Variants in MCPH1 observed in about 807,000 individuals in gnomAD.
The protein encoded by MCPH1 is microcephalin 1.
A neutral mutation model predicts 84.5 loss-of-function variants in MCPH1; 104 were observed. That is an observed-to-expected ratio of 1.23 (90% CI 1.05 to 1.45). The LOEUF is 1.45. Among genes scored for constraint, MCPH1 ranks in the 40% most tolerant of loss-of-function variants. The pLI is 0.00. For missense variants in MCPH1, 1,498 were observed against 1,005.7 expected (o/e 1.49, Z -6.62); for synonymous variants, 514 against 366.8 (o/e 1.40, Z -4.58).
At chr8:6,509,228 C>G (rs1814433537) in intron 12 of MCPH1, among the ~76,000 whole-genome samples, 1 of 152,170 alleles carries the variant, frequency 6.6e-6, no homozygotes, top group Non-Finnish European at 1.5e-5. Flanking sequence ...TAAACAGGAA[C>G]CAACTTATCA....
intron 9 of MCPH1, among the ~76,000 whole-genome samples, chr8:6,470,776 T>G (rs59362952): frequency 1.3e-5 from 2 of 152,360 alleles, no homozygotes; most frequent in East Asian, 3.9e-4. Flanking sequence ...TGTGGTTGCT[T>G]TATTATTCCA....
intron 12 of MCPH1, among the ~76,000 whole-genome samples, chr8:6,611,345 C>G (rs1830249353): frequency 6.6e-6 from 1 of 152,214 alleles, no homozygotes; most frequent in African/African-American, 2.4e-5. Context: ...CCCGTTCTAA[C>G]TGACCAGCGG....
At chr8:6,480,680 A>C (rs1460296867) in intron 10 of MCPH1, 34 bp from the exon 11 acceptor site, 1 of 1,613,502 alleles carries the variant, frequency 6.2e-7, no homozygotes, top group Admixed American at 1.7e-5. Flanking sequence ...CAACAAAGTC[A>C]TTCATTTTGT....
intron 12 of MCPH1, chr8:6,520,076 G>A: frequency 6.7e-7 from 1 of 1,487,998 alleles, no homozygotes; most frequent in Non-Finnish European, 9.1e-7. Flanking sequence ...CATTTGGTGA[G>A]TTTTATTACT....
At chr8:6,499,199 C>T (rs1032587720) in intron 11 of MCPH1, among the ~76,000 whole-genome samples, 17 of 151,990 alleles carry the variant, frequency 1.1e-4, no homozygotes, top group South Asian at 2.1e-4. Context: ...GGAGGAGAGA[C>T]GGCTGCAGAA....
intron 13 of MCPH1, among the ~76,000 whole-genome samples, chr8:6,632,596 T>G (rs1391835789): frequency 6.6e-6 from 1 of 152,092 alleles, no homozygotes. Flanking sequence ...GATCACAAGG[T>G]CAGGAGATCG....
chr8:6,421,363 C>T (rs1037171428), intron 3 of MCPH1, among the ~76,000 whole-genome samples: 4 of 152,146 alleles, frequency 2.6e-5, no homozygotes, highest in African/African-American at 4.8e-5. Context: ...GCCTCTCCTG[C>T]CGGGCTTATG....
chr8:6,624,021 C>T (rs980584122), intron 13 of MCPH1, among the ~76,000 whole-genome samples: 2 of 152,232 alleles, frequency 1.3e-5, no homozygotes, highest in African/African-American at 4.8e-5. Context: ...CTCGTGTTTC[C>T]AGGTTGGGTG....
At chr8:6,622,894 G>A (rs900273177) in intron 13 of MCPH1, among the ~76,000 whole-genome samples, 7 of 152,078 alleles carry the variant, frequency 4.6e-5, no homozygotes, top group African/African-American at 1.7e-4. Flanking sequence ...AGGATGGAGT[G>A]CAGTAGCATG....
chr8:6,550,457 C>G (rs1239882322), intron 12 of MCPH1, among the ~76,000 whole-genome samples: 1 of 152,218 alleles, frequency 6.6e-6, no homozygotes, highest in African/African-American at 2.4e-5. Flanking sequence ...CAGCATCCAG[C>G]GCGTCCTCAC....
In MCPH1 at chr8:6,444,579, C is replaced by G; in HGVS notation, c.857C>G (p.Ser286Ter). ...CCATCTTTCACTCACCTCGATAAAT[C>G]AAGTCCTCAGAAATTTCTGAGTAAT... ...SSPSFTHLDKSSPQKFLSNLS... is the reference protein window; with the variant it reads ...SSPSFTHLDK The change falls in exon 8 of 14, where the codon TCA becomes TGA. Residue 286 changes from serine (S) to a stop codon, truncating the protein, a stop_gained. Coordinates refer to ENST00000344683, the MANE Select transcript of MCPH1 (RefSeq NM_024596.5). LOFTEE classifies it high-confidence loss of function. 7.4e-6 allele frequency: 12 copies of G among 1,614,052 alleles called. No individual in the cohort carries two copies. Among genetic ancestry groups the G allele is most frequent in the Non-Finnish European group, 1.0e-5 (12 of 1,179,956 alleles).
At chr8:6,507,182 G>A (rs1006349658) in intron 12 of MCPH1, among the ~76,000 whole-genome samples, 7 of 152,200 alleles carry the variant, frequency 4.6e-5, no homozygotes, top group Admixed American at 1.3e-4. Flanking sequence ...ACAAGCGGGG[G>A]CCACCATGCC....
intron 4 of MCPH1, 126 bp from the exon 5 acceptor site, chr8:6,435,922 A>C: frequency 8.7e-7 from 1 of 1,145,914 alleles, no homozygotes; most frequent in Non-Finnish European, 1.2e-6. Flanking sequence ...CAGTGCAAGA[A>C]ACACCTCTTT....
intron 12 of MCPH1, among the ~76,000 whole-genome samples, chr8:6,542,051 T>G (rs78681283): frequency 0.026 from 3,931 of 150,228 alleles, 117 homozygotes; most frequent in Middle Eastern, 0.069. Flanking sequence ...TGATTACAAA[T>G]AGAAGCAGTT....
At chr8:6,640,112 G>A (rs941452652) in intron 13 of MCPH1, among the ~76,000 whole-genome samples, 4 of 150,696 alleles carry the variant, frequency 2.7e-5, no homozygotes, top group Non-Finnish European at 5.9e-5. Context: ...GCGCGTGTGT[G>A]TGTGTGTGCG....
chr8:6,515,631 G>C (rs1816120820), intron 12 of MCPH1, among the ~76,000 whole-genome samples: 1 of 152,136 alleles, frequency 6.6e-6, no homozygotes, highest in Admixed American at 6.5e-5. Flanking sequence ...CTGAAAATAA[G>C]ATTACATAAA....
intron 13 of MCPH1, chr8:6,627,190 G>T: frequency 3.0e-6 from 3 of 985,372 alleles, no homozygotes; most frequent in Non-Finnish European, 3.6e-6. Context: ...CACTCGGGAG[G>T]CCTCAGGCCT....
chr8:6,627,794 G>C (rs1357322289), intron 13 of MCPH1, among the ~76,000 whole-genome samples: 1 of 152,140 alleles, frequency 6.6e-6, no homozygotes, highest in Non-Finnish European at 1.5e-5. Flanking sequence ...GAGAGGCTAA[G>C]GTGGGAGGAT....
intron 4 of MCPH1, among the ~76,000 whole-genome samples, chr8:6,434,964 A>C (rs1802430713): frequency 6.6e-6 from 1 of 152,198 alleles, no homozygotes; most frequent in African/African-American, 2.4e-5. Flanking sequence ...GGGCAGTTCC[A>C]AGAACAGAAA....
Sources: gnomAD v4.1 joint callset for allele counts (sites outside exome capture counted in the v4.1 genomes callset) on GRCh38, gnomAD v4.1.1 for gene constraint, MANE v1.5 for transcripts, NCBI Gene and HGNC (gene_info 2026-07-23, HGNC 2026-07-21) for gene names.